The following INTS15 variants were observed in gnomAD, a reference collection of about 807,000 sequenced individuals.
INTS15 encodes integrator complex subunit 15.
At chr7:6,590,208 C>T in the INTS15 span, 1 of 1,301,198 alleles carries the variant, frequency 7.7e-7, no homozygotes, top group African/African-American at 1.6e-5. Context: ...CTCTTTGTTT[C>T]CACGGGTAGC....
the INTS15 span, among the ~76,000 whole-genome samples, chr7:6,595,667 A>G: frequency 6.6e-6 from 1 of 151,984 alleles, no homozygotes; most frequent in Admixed American, 6.6e-5. Flanking sequence ...TATCATCCCC[A>G]TACTTTCTTT....
the INTS15 span, among the ~76,000 whole-genome samples, chr7:6,597,836 C>A: frequency 6.6e-6 from 1 of 152,198 alleles, no homozygotes; most frequent in Non-Finnish European, 1.5e-5. Context: ...TGACTGAAAC[C>A]GCTGTTGGGC....
the INTS15 span, chr7:6,608,625 G>A: frequency 1.5e-6 from 1 of 674,414 alleles, no homozygotes; most frequent in Non-Finnish European, 1.8e-6. Flanking sequence ...TGCTCAGGGA[G>A]GCTGTCAGGA....
chr7:6,591,336 G>T, the INTS15 span, among the ~76,000 whole-genome samples: 2 of 149,362 alleles, frequency 1.3e-5, no homozygotes, highest in Non-Finnish European at 3.0e-5. Context: ...GTGCGATCTC[G>T]GCTCACTGCA....
At chr7:6,597,108 T>C in the INTS15 span, among the ~76,000 whole-genome samples, 60 of 152,302 alleles carry the variant, frequency 3.9e-4, no homozygotes, top group African/African-American at 1.3e-3. Flanking sequence ...CTTCTTTTCC[T>C]AGCAGTTTCC....
the INTS15 span, among the ~76,000 whole-genome samples, chr7:6,591,379 G>A: frequency 1.3e-5 from 2 of 150,048 alleles, no homozygotes; most frequent in South Asian, 2.1e-4. Context: ...CGAGATTCCT[G>A]CCTAAGCCTC....
chr7:6,605,297 C>G, the INTS15 span, among the ~76,000 whole-genome samples: 1 of 151,996 alleles, frequency 6.6e-6, no homozygotes, highest in East Asian at 1.9e-4. Context: ...CCTCTTTTTC[C>G]TTTTTTTGGT....
At chr7:6,608,509 CTT>C in the INTS15 span, 4 of 1,174,722 alleles carry the variant, frequency 3.4e-6, no homozygotes, top group African/African-American at 6.6e-5. Flanking sequence ...TGTCTGGCCT[CTT>C]TCCTCGTGAA....
the INTS15 span, chr7:6,590,238 G>A: frequency 1.4e-6 from 2 of 1,435,354 alleles, no homozygotes; most frequent in Non-Finnish European, 1.8e-6. Context: ...CCGGGCCCCG[G>A]GCGGAAGTGA....
At chr7:6,590,470 C>T in the INTS15 span, 1 of 1,586,994 alleles carries the variant, frequency 6.3e-7, no homozygotes, top group African/African-American at 1.4e-5. Context: ...CAGCGCGCAG[C>T]CCAAGGTGCG....
the INTS15 span, among the ~76,000 whole-genome samples, chr7:6,599,189 C>A: frequency 6.6e-6 from 1 of 152,116 alleles, no homozygotes; most frequent in Non-Finnish European, 1.5e-5. Context: ...TAAACGAGTT[C>A]GTCTGTGTAA....
the INTS15 span, chr7:6,607,585 G>A: frequency 2.2e-6 from 3 of 1,357,270 alleles, no homozygotes; most frequent in African/African-American, 2.9e-5. This position sits in a 1 kb window ranked among gnomAD's most constrained non-coding sequence, Gnocchi z 6.0. Flanking sequence ...TGGGGCTTCT[G>A]CTTGGAATTC....
chr7:6,608,451 C>T, the INTS15 span: 16 of 1,293,042 alleles, frequency 1.2e-5, no homozygotes, highest in African/African-American at 2.2e-4. Flanking sequence ...CAGACACAGC[C>T]TGTGTGGCGA....
At chr7:6,593,386 A>C in the INTS15 span, among the ~76,000 whole-genome samples, 2 of 141,846 alleles carry the variant, frequency 1.4e-5, no homozygotes, top group Non-Finnish European at 3.0e-5. Context: ...GCTGGAGTGC[A>C]GTGGCGCGAT....
the INTS15 span, chr7:6,608,081 G>GC: frequency 7.4e-6 from 6 of 816,216 alleles, no homozygotes; most frequent in Non-Finnish European, 1.0e-5. Context: ...GGCCCACCCC[G>GC]CCGCCCACCC....
chr7:6,608,583 C>G, the INTS15 span: 1 of 1,031,576 alleles, frequency 9.7e-7, no homozygotes, highest in African/African-American at 1.7e-5. Flanking sequence ...TGAGCCCAGG[C>G]TGCGTAGTGA....
the INTS15 span, among the ~76,000 whole-genome samples, chr7:6,598,209 C>T: frequency 2.0e-5 from 3 of 152,272 alleles, no homozygotes; most frequent in East Asian, 1.9e-4. Flanking sequence ...GTGGCTCACT[C>T]CTGTAATACC....
chr7:6,590,376 G>C, the INTS15 span: 1 of 1,607,202 alleles, frequency 6.2e-7, no homozygotes, highest in Non-Finnish European at 8.5e-7. Flanking sequence ...TCAGCAGCCA[G>C]CTGCAGAGCG....
chr7:6,603,782 T>C, the INTS15 span, among the ~76,000 whole-genome samples: 1 of 151,980 alleles, frequency 6.6e-6, no homozygotes, highest in African/African-American at 2.4e-5. Flanking sequence ...GAAGTTGTAG[T>C]GAGCCAAGAC....
Sources: gnomAD v4.1 joint callset for allele counts (sites outside exome capture counted in the v4.1 genomes callset) on GRCh38, gnomAD v4.1.1 for gene constraint, Gnocchi (gnomAD v3.1) non-coding constraint, MANE v1.5 for transcripts, NCBI Gene and HGNC (gene_info 2026-07-23, HGNC 2026-07-21) for gene names.